KCNIP1: variants seen among roughly 807,000 people sequenced by gnomAD.
KCNIP1 encodes A-type potassium channel modulatory protein KCNIP1.
Under a neutral mutation model 33.0 loss-of-function variants are expected in KCNIP1, and 18 were observed. The ratio of observed to expected loss-of-function variants is 0.55; its 90% CI spans 0.38 to 0.81. The LOEUF (loss-of-function observed/expected upper bound fraction) is 0.81, where lower values mean the gene tolerates loss of function less well. KCNIP1 is among the 30% of genes least tolerant of loss of function. KCNIP1 has a pLI of 0.00. For synonymous variants in KCNIP1, 93 were observed against 98.3 expected, an observed-to-expected ratio of 0.95 and a Z score of 0.32; for missense variants, 238 against 271.6, an observed-to-expected ratio of 0.88 and a Z score of 0.87.
chr5:170,678,581 A>G (rs1762225350), intron 1 of KCNIP1: 1 of 152,238 alleles, frequency 6.6e-6, no homozygotes, highest in Non-Finnish European at 1.5e-5. Context: ...ACCAGAAAGC[A>G]GTGAGGGATT....
intron 1 of KCNIP1, among the ~76,000 whole-genome samples, chr5:170,633,043 G>A (rs546941069): frequency 6.6e-6 from 1 of 152,288 alleles, no homozygotes; most frequent in East Asian, 1.9e-4. Context: ...GGAAACATCC[G>A]CTTTGGTGGT....
intron 1 of KCNIP1, among the ~76,000 whole-genome samples, chr5:170,507,266 A>G (rs914036004): frequency 5.3e-5 from 8 of 152,350 alleles, no homozygotes; most frequent in Admixed American, 5.2e-4. Context: ...TAGCTGTATG[A>G]CTAAGCCTTG....
At chr5:170,451,412 T>G (rs910922927) in intron 1 of KCNIP1, among the ~76,000 whole-genome samples, 1 of 152,104 alleles carries the variant, frequency 6.6e-6, no homozygotes, top group African/African-American at 2.4e-5. Context: ...CATCCTTTTG[T>G]AAGTTCTTCG....
At chr5:170,491,408 T>G (rs541349764) in intron 1 of KCNIP1, among the ~76,000 whole-genome samples, 2 of 152,318 alleles carry the variant, frequency 1.3e-5, no homozygotes, top group East Asian at 1.9e-4. Context: ...GCTTCGGTGA[T>G]GTACTGAAGG....
At chr5:170,627,110 C>T (rs983615307) in intron 1 of KCNIP1, among the ~76,000 whole-genome samples, 2 of 152,170 alleles carry the variant, frequency 1.3e-5, no homozygotes, top group Non-Finnish European at 2.9e-5. Flanking sequence ...ATCCCTCCCC[C>T]ACGTTTTTTC....
At chr5:170,519,207 T>C (rs958010973) in intron 1 of KCNIP1, among the ~76,000 whole-genome samples, 1 of 152,214 alleles carries the variant, frequency 6.6e-6, no homozygotes, top group Non-Finnish European at 1.5e-5. Flanking sequence ...TGAGCTGATA[T>C]ATGGGTCAAT....
At chr5:170,436,101 G>A (rs777911068) in intron 1 of KCNIP1, among the ~76,000 whole-genome samples, 3 of 152,160 alleles carry the variant, frequency 2.0e-5, no homozygotes, top group Non-Finnish European at 4.4e-5. Flanking sequence ...GAGAAGATGT[G>A]GGGCTGAGCA....
At chr5:170,583,624 G>A (rs1757878182) in intron 1 of KCNIP1, among the ~76,000 whole-genome samples, 2 of 152,160 alleles carry the variant, frequency 1.3e-5, no homozygotes, top group African/African-American at 2.4e-5. Flanking sequence ...ATTGTTTGGG[G>A]CACAAAATGA....
chr5:170,540,168 A>C (rs1756144690), intron 1 of KCNIP1, among the ~76,000 whole-genome samples: 1 of 152,136 alleles, frequency 6.6e-6, no homozygotes, highest in South Asian at 2.1e-4. Flanking sequence ...TCATCTCACA[A>C]AACTCAAATG....
At chr5:170,425,304 C>A (rs1755587117) in intron 1 of KCNIP1, among the ~76,000 whole-genome samples, 1 of 152,232 alleles carries the variant, frequency 6.6e-6, no homozygotes, top group South Asian at 2.1e-4. Flanking sequence ...TTGTCTCATT[C>A]TTTTCCCCTG....
intron 1 of KCNIP1, among the ~76,000 whole-genome samples, chr5:170,362,410 T>C (rs946749065): frequency 7.2e-5 from 11 of 152,208 alleles, no homozygotes; most frequent in African/African-American, 2.4e-4. Flanking sequence ...ACACACACTC[T>C]TGTTTTCGAA....
chr5:170,460,554 G>C (rs1001235886), intron 1 of KCNIP1, among the ~76,000 whole-genome samples: 6 of 152,186 alleles, frequency 3.9e-5, no homozygotes, highest in Admixed American at 2.6e-4. Context: ...GTCAATAAAT[G>C]TGATACACCA....
chr5:170,572,196 C>G (rs1396023560), intron 1 of KCNIP1, among the ~76,000 whole-genome samples: 1 of 152,228 alleles, frequency 6.6e-6, no homozygotes, highest in African/African-American at 2.4e-5. Flanking sequence ...TGGAAATCGA[C>G]TGTATGCGTA....
intron 1 of KCNIP1, among the ~76,000 whole-genome samples, chr5:170,390,530 A>ATT (rs1754540192): frequency 7.4e-6 from 1 of 134,912 alleles, no homozygotes; most frequent in African/African-American, 2.9e-5. Context: ...ATATATATAT[A>ATT]TATATATATT....
chr5:170,676,134 G>T (rs1404478356), intron 1 of KCNIP1, among the ~76,000 whole-genome samples: 15 of 129,736 alleles, frequency 1.2e-4, no homozygotes, highest in Non-Finnish European at 2.3e-4. Flanking sequence ...CGAGGGAGGC[G>T]GGGGAGGGAG....
upstream of KCNIP1, among the ~76,000 whole-genome samples, chr5:170,500,933 G>A (rs997507033): frequency 1.3e-5 from 2 of 152,158 alleles, no homozygotes; most frequent in African/African-American, 4.8e-5. Context: ...GGATGATCTG[G>A]TAATCATCAG....
At chr5:170,433,272 T>C (rs1733117287) in intron 1 of KCNIP1, among the ~76,000 whole-genome samples, 1 of 152,186 alleles carries the variant, frequency 6.6e-6, no homozygotes, top group African/African-American at 2.4e-5. Context: ...CTGCAACCCC[T>C]GCCTCCTGGG....
At chr5:170,378,735 T>C in intron 1 of KCNIP1, 2 of 1,613,902 alleles carry the variant, frequency 1.2e-6, no homozygotes, top group Non-Finnish European at 1.7e-6. Flanking sequence ...GGACAGGTAC[T>C]GGTTGCTCTT....
chr5:170,542,671 A>G (rs2113385093), intron 1 of KCNIP1, among the ~76,000 whole-genome samples: 1 of 152,312 alleles, frequency 6.6e-6, no homozygotes, highest in South Asian at 2.1e-4. Context: ...TCCTATACTT[A>G]TATACCTATG....
Sources: allele counts gnomAD v4.1 joint callset (sites outside exome capture counted in the v4.1 genomes callset), GRCh38; gene constraint gnomAD v4.1.1; transcripts MANE v1.5; gene names NCBI Gene and HGNC (gene_info 2026-07-23, HGNC 2026-07-21).